Variants in BBX observed in about 807,000 individuals in gnomAD.
The protein encoded by BBX is HMG box transcription factor BBX.
BBX carries 30 observed loss-of-function variants against 100.2 expected under a neutral mutation model. The ratio of observed to expected loss-of-function variants is 0.30; its 90% CI spans 0.22 to 0.41. The LOEUF is 0.41. Among genes scored for constraint, BBX ranks in the 10% least tolerant of loss-of-function variants. BBX has a pLI of 1.00. For missense variants in BBX, 1,023 were observed against 1,129.8 expected (o/e 0.91, Z 1.35); for synonymous variants, 376 against 388.1 (o/e 0.97, Z 0.37).
chr3:107,575,400 C>T (rs590863), intron 2 of BBX, among the ~76,000 whole-genome samples: 16,338 of 151,990 alleles, frequency 0.11, 989 homozygotes, highest in Non-Finnish European at 0.12. Context: ...TCAATGTTTG[C>T]TTGATTATAT....
chr3:107,606,503 C>G (rs1040840126), intron 2 of BBX, among the ~76,000 whole-genome samples: 1 of 152,154 alleles, frequency 6.6e-6, no homozygotes, highest in African/African-American at 2.4e-5. Flanking sequence ...ATAATAATAC[C>G]ATGTGATGCG....
intron 3 of BBX, among the ~76,000 whole-genome samples, chr3:107,664,452 G>C (rs2058637532): frequency 1.3e-5 from 2 of 152,172 alleles, no homozygotes; most frequent in African/African-American, 4.8e-5. Context: ...TATCCGAGCA[G>C]AAGTTTAAAA....
chr3:107,650,033 C>T (rs1333206284), intron 3 of BBX, among the ~76,000 whole-genome samples: 4 of 152,072 alleles, frequency 2.6e-5, no homozygotes, highest in Admixed American at 1.3e-4. Context: ...TTTTTTTCCT[C>T]ATATAGAGGA....
intron 2 of BBX, among the ~76,000 whole-genome samples, chr3:107,545,651 T>C (rs2107389171): frequency 6.6e-6 from 1 of 152,184 alleles, no homozygotes; most frequent in East Asian, 1.9e-4. Context: ...CATGGAGTTA[T>C]TTTCTTAACA....
Position 107,709,264 on chromosome 3 carries a change from A to G in BBX, c.-9-1188A>G, listed in dbSNP as rs151025415. ...AAAACATTGGTGAATAATTTTTTGA[A>G]GTAAGGAAGACCTAGGCATGACCCA... On this transcript the variant is annotated intron_variant, in intron 3 of 17. Transcript: ENST00000325805. Among the ~76,000 whole-genome samples, 1,023 of 152,320 alleles carry G rather than the reference A, an allele frequency of 6.7e-3. 7 individuals carry two copies. Among genetic ancestry groups the G allele is most frequent in the South Asian group, 0.024 (118 of 4,824 alleles).
intron 10 of BBX, among the ~76,000 whole-genome samples, chr3:107,758,141 C>T (rs1483592914): frequency 4.6e-5 from 7 of 152,184 alleles, no homozygotes; most frequent in African/African-American, 1.2e-4. Context: ...CATTCTTTAT[C>T]TATGTCCCAT....
intron 2 of BBX, among the ~76,000 whole-genome samples, chr3:107,607,944 T>C (rs1208054963): frequency 6.6e-6 from 1 of 152,224 alleles, no homozygotes; most frequent in Non-Finnish European, 1.5e-5. Context: ...GAGCTCCTTA[T>C]ATATTCTGTT....
At chr3:107,716,968 A>G in intron 5 of BBX, 119 bp downstream of exon 5, 1 of 1,273,120 alleles carries the variant, frequency 7.9e-7, no homozygotes, top group East Asian at 2.3e-5. Flanking sequence ...CATAAATGAG[A>G]TGTTAAGTAA....
intron 9 of BBX, among the ~76,000 whole-genome samples, chr3:107,752,166 C>A (rs1166722559): frequency 1.3e-5 from 2 of 152,172 alleles, no homozygotes; most frequent in Admixed American, 1.3e-4. Flanking sequence ...GACTTTAAAA[C>A]TTCCCTTAGA....
At chr3:107,609,206 G>T (rs1267985886) in intron 2 of BBX, among the ~76,000 whole-genome samples, 1 of 152,048 alleles carries the variant, frequency 6.6e-6, no homozygotes, top group Admixed American at 6.5e-5. Context: ...TGCATATGTT[G>T]AGCCATCCTT....
chr3:107,788,259 G>C (rs962482797), intron 13 of BBX, among the ~76,000 whole-genome samples: 2 of 152,168 alleles, frequency 1.3e-5, no homozygotes, highest in Non-Finnish European at 2.9e-5. Flanking sequence ...AAAGGAGAGA[G>C]AGGGAAATAT....
At chr3:107,571,145 G>C (rs1364379355) in intron 2 of BBX, among the ~76,000 whole-genome samples, 1 of 152,094 alleles carries the variant, frequency 6.6e-6, no homozygotes, top group African/African-American at 2.4e-5. Context: ...AGGGTGGAAG[G>C]TTGCCCATAG....
At chr3:107,764,222 C>T (rs62262034) in intron 10 of BBX, among the ~76,000 whole-genome samples, 23,570 of 152,160 alleles carry the variant, frequency 0.15, 2,408 homozygotes, top group South Asian at 0.36. Flanking sequence ...GAACTCCTGA[C>T]CTCAGGTGAT....
At chr3:107,613,939 T>C (rs1369553074) in intron 2 of BBX, among the ~76,000 whole-genome samples, 1 of 140,666 alleles carries the variant, frequency 7.1e-6, no homozygotes, top group Non-Finnish European at 1.5e-5. Flanking sequence ...CAACATACCA[T>C]GGTTTTTTTT....
rs1255951225 is a variant in BBX, at chr3:107,526,414, G to C, written c.-84+16G>C. ...GCCTTCCTGGGTAAGTATGCAAACT[G>C]TTCGTACAGGGAAGCAGGATGACAA... On this transcript the variant is annotated intron_variant, in intron 2 of 17. Coordinates refer to ENST00000325805, the MANE Select transcript of BBX (RefSeq NM_001142568.3). 2.5e-6 allele frequency: 1 copy of C among 398,412 alleles called. No homozygotes were observed. Among genetic ancestry groups the C allele is most frequent in the East Asian group, 3.6e-5 (1 of 28,082 alleles). 24.7% of individuals were successfully genotyped at this position (398,412 alleles called of 1,614,324 possible).
chr3:107,591,129 A>G (rs1376528296), intron 2 of BBX, among the ~76,000 whole-genome samples: 1 of 152,226 alleles, frequency 6.6e-6, no homozygotes, highest in African/African-American at 2.4e-5. Context: ...GTATAGTATA[A>G]TAGATTAAGC....
At chr3:107,757,718 AT>A (rs1384937778) in intron 10 of BBX, among the ~76,000 whole-genome samples, 2 of 152,090 alleles carry the variant, frequency 1.3e-5, no homozygotes, top group African/African-American at 4.8e-5. Context: ...TGCTTCCTTA[AT>A]TTTTTTATTG....
intron 2 of BBX, among the ~76,000 whole-genome samples, chr3:107,639,551 T>G (rs989037849): frequency 7.9e-5 from 12 of 152,152 alleles, no homozygotes; most frequent in Non-Finnish European, 1.6e-4. Context: ...TTCCTGGAAG[T>G]GAAACTCTTT....
At chr3:107,734,694 A>G (rs1032981151) in intron 7 of BBX, among the ~76,000 whole-genome samples, 19 of 152,188 alleles carry the variant, frequency 1.2e-4, no homozygotes, top group Non-Finnish European at 2.4e-4. Context: ...TTCAAGTACA[A>G]ATGTAAACAA....
Sources: gnomAD v4.1 joint callset for allele counts (sites outside exome capture counted in the v4.1 genomes callset) on GRCh38, gnomAD v4.1.1 for gene constraint, MANE v1.5 for transcripts, NCBI Gene and HGNC (gene_info 2026-07-23, HGNC 2026-07-21) for gene names.